Variants in STK32B observed in about 807,000 individuals in gnomAD.
STK32B encodes the protein serine/threonine-protein kinase 32B.
Under a neutral mutation model 52.6 loss-of-function variants are expected in STK32B, and 43 were observed. The ratio of observed to expected loss-of-function variants is 0.82; its 90% confidence interval spans 0.64 to 1.05. The LOEUF is 1.05. Ranked by LOEUF, STK32B falls within the 50% of genes least tolerant of loss-of-function variation. The pLI is 0.00. For synonymous variants in STK32B, 238 were observed against 204.3 expected, an observed-to-expected ratio of 1.17 and a Z score of -1.41; for missense variants, 621 against 534.6, an observed-to-expected ratio of 1.16 and a Z score of -1.59.
intron 2 of STK32B, among the ~76,000 whole-genome samples, chr4:5,164,703 C>T (rs1223656967): frequency 6.6e-6 from 1 of 152,122 alleles, no homozygotes; most frequent in Non-Finnish European, 1.5e-5. Context: ...CAGAATGAGG[C>T]TCAGAGAGGG....
chr4:5,222,856 G>T (rs1723627289), intron 3 of STK32B, among the ~76,000 whole-genome samples: 1 of 152,222 alleles, frequency 6.6e-6, no homozygotes, highest in South Asian at 2.1e-4. Flanking sequence ...GAATGGTCAA[G>T]TGATCATTTG....
chr4:5,334,524 G>A (rs1307721704), intron 4 of STK32B, among the ~76,000 whole-genome samples: 4 of 152,178 alleles, frequency 2.6e-5, no homozygotes, highest in African/African-American at 4.8e-5. Context: ...GTTAACAGGA[G>A]TGGTGAGAGA....
At chr4:5,053,377 G>A (rs1423034695) in intron 1 of STK32B, among the ~76,000 whole-genome samples, 1 of 152,144 alleles carries the variant, frequency 6.6e-6, no homozygotes, top group East Asian at 1.9e-4. Context: ...GGTAATGGAG[G>A]CTCTTGCATG....
At chr4:5,127,401 A>G (rs1378639068) in intron 1 of STK32B, among the ~76,000 whole-genome samples, 1 of 152,156 alleles carries the variant, frequency 6.6e-6, no homozygotes, top group Non-Finnish European at 1.5e-5. Context: ...GTGAATTGAC[A>G]GAATTAATTG....
intron 5 of STK32B, among the ~76,000 whole-genome samples, chr4:5,405,188 C>G (rs1335973602): frequency 6.6e-6 from 1 of 151,850 alleles, no homozygotes; most frequent in Non-Finnish European, 1.5e-5. Context: ...GTAAGGGCTT[C>G]CTAGCACGGG....
chr4:5,306,506 C>T (rs145947576), intron 3 of STK32B, among the ~76,000 whole-genome samples: 101 of 152,144 alleles, frequency 6.6e-4, no homozygotes, highest in African/African-American at 2.4e-3. Context: ...TTTATCCACC[C>T]CTTTACCTTA....
At chr4:5,286,943 G>A (rs148155607) in intron 3 of STK32B, among the ~76,000 whole-genome samples, 1,729 of 151,792 alleles carry the variant, frequency 0.011, 21 homozygotes, top group South Asian at 0.057. Context: ...GATTACAGGC[G>A]TCAGCCACCA....
At chr4:5,235,340 A>G (rs999844067) in intron 3 of STK32B, among the ~76,000 whole-genome samples, 1 of 152,218 alleles carries the variant, frequency 6.6e-6, no homozygotes, top group Non-Finnish European at 1.5e-5. Flanking sequence ...TCCCAGCTCC[A>G]TCATTTACTG....
chr4:5,460,032 C>T lies in STK32B; in HGVS notation c.784-71C>T. On this transcript the variant is annotated intron_variant, in intron 8 of 11. Transcript: ENST00000282908. This position sits in a 1 kb window ranked among gnomAD's most constrained non-coding sequence, Gnocchi z 4.8. ...AGGCACATTAATTGCCCTGAGACCC[C>T]CTCCTTCAGAGTCCCCGCTAACCTT... The T allele has an allele frequency of 6.2e-7, 1 of 1,611,270 alleles. No homozygotes were observed. Among genetic ancestry groups the T allele is most frequent in the South Asian group, 1.1e-5 (1 of 90,870 alleles).
chr4:5,058,744 T>C lies in STK32B; in HGVS notation c.52+6829T>C, dbSNP rs1216881757. ...TGCTAGTTTATTTATTTATTTTTTATTTATTTTACTTATTTATTTTTTGAT... is the reference window on the plus strand; with the variant it reads ...TGCTAGTTTATTTATTTATTTTTTACTTATTTTACTTATTTATTTTTTGAT... On this transcript the variant is annotated intron_variant, in intron 1 of 11. Coordinates refer to ENST00000282908, the MANE Select transcript of STK32B (RefSeq NM_018401.3). This position sits in a 1 kb window ranked among gnomAD's most constrained non-coding sequence, Gnocchi z 4.8. Among the ~76,000 whole-genome samples the C allele has an allele frequency of 6.6e-6, 1 of 152,000 alleles. No individual in the cohort carries two copies. Among genetic ancestry groups the C allele is most frequent in the Non-Finnish European group, 1.5e-5 (1 of 67,994 alleles).
intron 3 of STK32B, among the ~76,000 whole-genome samples, chr4:5,292,009 G>T (rs1728923242): frequency 6.6e-6 from 1 of 152,066 alleles, no homozygotes. Flanking sequence ...TCTTTATTCA[G>T]TCCACCACTG....
At chr4:5,260,078 TACAC>T (rs59447566) in intron 3 of STK32B, among the ~76,000 whole-genome samples, 5 of 151,052 alleles carry the variant, frequency 3.3e-5, no homozygotes, top group South Asian at 2.1e-4. Flanking sequence ...CATACACACA[TACAC>T]ACACACACAC....
Position 5,257,633 on chromosome 4 carries a change from C to G in STK32B, c.261-73587C>G, listed in dbSNP as rs144618982. Among the ~76,000 whole-genome samples the G allele has an allele frequency of 1.1e-4, 17 of 152,290 alleles. No homozygotes were observed. The East Asian group carries it at 3.1e-3, about 28-fold the overall frequency. ...TCTGCCATGATCGCTTCAGTGACTC[C>G]CACTTCACTTAAACAATACAGTGGG... is the stretch of plus-strand genomic sequence containing the variant. On this transcript the variant is annotated intron_variant, in intron 3 of 11. Coordinates refer to ENST00000282908, the MANE Select transcript of STK32B (RefSeq NM_018401.3).
At chr4:5,228,654 T>C (rs56089601) in intron 3 of STK32B, among the ~76,000 whole-genome samples, 23,717 of 152,132 alleles carry the variant, frequency 0.16, 2,296 homozygotes, top group Admixed American at 0.28. Flanking sequence ...CAATAATTCT[T>C]TGGTTCCCAG....
Position 5,460,338 on chromosome 4 carries a change from C to G in STK32B, c.909+110C>G. Reference sequence around the variant, plus strand: ...GTGAGCCCTCTGCTGGCCACTTCCACCTGAGCACCAAGGGCTTATGTCTTG... The same window carrying G: ...GTGAGCCCTCTGCTGGCCACTTCCAGCTGAGCACCAAGGGCTTATGTCTTG... On this transcript the variant is annotated intron_variant, in intron 9 of 11. Coordinates refer to ENST00000282908, the MANE Select transcript of STK32B (RefSeq NM_018401.3). The surrounding 1 kb of genome is among the most constrained non-coding windows in gnomAD (Gnocchi z 4.8). 6.8e-7 allele frequency: 1 copy of G among 1,476,528 alleles called. No individual in the cohort carries two copies. Among genetic ancestry groups the G allele is most frequent in the Non-Finnish European group, 9.1e-7 (1 of 1,101,952 alleles). The allele number at this position is 1,476,528 out of a possible 1,614,324, so 91.5% of individuals were successfully genotyped here.
intron 3 of STK32B, among the ~76,000 whole-genome samples, chr4:5,297,540 A>G (rs1434727176): frequency 6.7e-6 from 1 of 149,570 alleles, no homozygotes; most frequent in East Asian, 2.0e-4. Context: ...TCAATCTCTG[A>G]TCCTTTCTTC....
intron 4 of STK32B, among the ~76,000 whole-genome samples, chr4:5,335,068 G>T (rs979747807): frequency 5.2e-5 from 7 of 134,962 alleles, no homozygotes; most frequent in African/African-American, 2.4e-4. Context: ...GTTCCTCCTT[G>T]TACCTCTGGT....
At chr4:5,350,002 G>C (rs1733724987) in intron 4 of STK32B, among the ~76,000 whole-genome samples, 1 of 152,136 alleles carries the variant, frequency 6.6e-6, no homozygotes, top group South Asian at 2.1e-4. Context: ...AAATCAATTG[G>C]ATATTCAAAT....
At chr4:5,256,750 C>G (rs1726328394) in intron 3 of STK32B, among the ~76,000 whole-genome samples, 1 of 152,202 alleles carries the variant, frequency 6.6e-6, no homozygotes, top group Non-Finnish European at 1.5e-5. Flanking sequence ...CTGAACTTGG[C>G]TCTGGGCACA....
Sources: gnomAD v4.1 joint callset for allele counts (sites outside exome capture counted in the v4.1 genomes callset) on GRCh38, gnomAD v4.1.1 for gene constraint, Gnocchi (gnomAD v3.1) non-coding constraint, MANE v1.5 for transcripts, NCBI Gene and HGNC (gene_info 2026-07-23, HGNC 2026-07-21) for gene names.